Variants in ZFHX3 observed in about 807,000 individuals in gnomAD.
ZFHX3 encodes zinc finger homeobox 3.
A neutral mutation model predicts 279.1 loss-of-function variants in ZFHX3; 42 were observed. That is an observed-to-expected ratio of 0.15 (90% CI 0.12 to 0.19). The LOEUF is 0.19. Ranked by LOEUF, ZFHX3 falls within the 10% of genes least tolerant of loss-of-function variation. The pLI, the probability that ZFHX3 is intolerant of heterozygous loss-of-function variation, is 1.00. For synonymous variants in ZFHX3, 2,293 were observed against 1,957.8 expected (o/e 1.17, Z -4.52); for missense variants, 4,981 against 4,754.0 (o/e 1.05, Z -1.40).
intron 3 of ZFHX3, among the ~76,000 whole-genome samples, chr16:72,912,436 A>C (rs2039342133): frequency 6.6e-6 from 1 of 152,266 alleles, no homozygotes; most frequent in South Asian, 2.1e-4. Flanking sequence ...GCTGCTCTTA[A>C]ATAAGTCTTA....
chr16:73,567,420 T>C (rs771606018), intron 2 of ZFHX3, among the ~76,000 whole-genome samples: 6 of 152,254 alleles, frequency 3.9e-5, no homozygotes, highest in Non-Finnish European at 8.8e-5. Flanking sequence ...TGGAGAACAA[T>C]GGTCACTGTC....
chr16:73,891,765 T>TCTCTCTCTCTCTCG, exon 1 of ZFHX3: 1 of 151,964 alleles, frequency 6.6e-6, no homozygotes, highest in Non-Finnish European at 1.5e-5. Context: ...TCTCTCTCTC[T>TCTCTCTCTCTCTCG]CTCTCTCTCT....
chr16:73,104,440 A>G (rs1220951124), intron 7 of ZFHX3, among the ~76,000 whole-genome samples: 2 of 152,110 alleles, frequency 1.3e-5, no homozygotes, highest in Non-Finnish European at 2.9e-5. Flanking sequence ...CATGTTGCCC[A>G]GAGTGGCCTC....
chr16:73,193,718 T>C (rs146487820), intron 5 of ZFHX3, among the ~76,000 whole-genome samples: 4 of 152,288 alleles, frequency 2.6e-5, no homozygotes, highest in African/African-American at 9.6e-5. Context: ...CCACAGACTA[T>C]GGGGCCAGAC....
chr16:73,401,956 T>C (rs548722787), intron 3 of ZFHX3: 6 of 152,332 alleles, frequency 3.9e-5, no homozygotes, highest in African/African-American at 9.6e-5. Flanking sequence ...CAGCTTTTCA[T>C]AGGCAAGTTA....
chr16:73,801,848 G>C (rs925091634), intron 1 of ZFHX3, among the ~76,000 whole-genome samples: 1 of 152,148 alleles, frequency 6.6e-6, no homozygotes, highest in Non-Finnish European at 1.5e-5. Context: ...TGCAACTTGG[G>C]CGTGTTCATT....
intron 5 of ZFHX3, among the ~76,000 whole-genome samples, chr16:73,167,220 G>C (rs1220774989): frequency 6.6e-6 from 1 of 152,206 alleles, no homozygotes; most frequent in Non-Finnish European, 1.5e-5. Flanking sequence ...CTGAGTAATA[G>C]GATTGGAAAT....
intron 3 of ZFHX3, among the ~76,000 whole-genome samples, chr16:73,346,837 G>T (rs1218978399): frequency 6.6e-6 from 1 of 152,180 alleles, no homozygotes. Flanking sequence ...GTGACCTAAA[G>T]AGGCCAAGGA....
intron 2 of ZFHX3, among the ~76,000 whole-genome samples, chr16:73,605,147 C>T (rs372632946): frequency 6.6e-6 from 1 of 152,140 alleles, no homozygotes; most frequent in South Asian, 2.1e-4. Flanking sequence ...AAACATCTAC[C>T]GGTGGCGGAC....
chr16:73,529,598 GC>G (rs1431623389), intron 2 of ZFHX3, among the ~76,000 whole-genome samples: 1 of 152,196 alleles, frequency 6.6e-6, no homozygotes, highest in East Asian at 1.9e-4. Context: ...TCTGGCCAGT[GC>G]CCCTTGTCCA....
chr16:72,958,417 C>T lies in ZFHX3; in HGVS notation c.1729G>A (p.Val577Ile), dbSNP rs62640001. The change falls in exon 2 of 10, where the codon GTC becomes ATC. Residue 577 changes from valine (V) to isoleucine (I), a missense_variant. Around this residue, in one of 7 missense-constraint regions of ZFHX3, gnomAD observed 1,068 missense variants for 935.2 expected, o/e 1.14. Transcript: ENST00000268489. The stretch of plus-strand genomic sequence containing the variant: ...CCGCCCTCTGCCACATTGGCCCTGA[C>T]GCCCTCACTGTTAAAGCTTAAACGA... ...RNRLSFNSEG[V>I]RANVAEGGRR... is the part of the protein sequence containing the mutation. The T allele has an allele frequency of 1.2e-3, 1,924 of 1,614,220 alleles. 1 individual carries two copies. The highest frequency in any genetic ancestry group is 1.4e-3 in the Non-Finnish European group (1,640 of 1,180,048).
intron 4 of ZFHX3, among the ~76,000 whole-genome samples, chr16:73,277,548 A>G (rs77823739): frequency 1.3e-5 from 2 of 152,200 alleles, no homozygotes; most frequent in Admixed American, 6.5e-5. Context: ...TTAAATCCTC[A>G]TGACTTTGTC....
At chr16:73,294,861 G>C (rs1019995896) in intron 4 of ZFHX3, among the ~76,000 whole-genome samples, 6 of 151,506 alleles carry the variant, frequency 4.0e-5, no homozygotes, top group African/African-American at 1.5e-4. Context: ...ATTGGCCATG[G>C]AAGAGGCAGA....
chr16:73,877,980 A>G lies in ZFHX3; in HGVS notation c.-1608+13671T>C, dbSNP rs192235053. ...GATATTTAACAGAGAAAGCTTCATC[A>G]TGAGATTTTTAGAAATATATATACA... On this transcript the variant is annotated intron_variant, in intron 1 of 17. Transcript: ENST00000641206. Among the ~76,000 whole-genome samples the G allele has an allele frequency of 1.6e-4, 24 of 152,162 alleles. No homozygotes were observed. In the East Asian group the frequency reaches 4.6e-3, roughly 29 times the overall value.
At chr16:73,483,931 T>C (rs1369065680) in intron 2 of ZFHX3, among the ~76,000 whole-genome samples, 1 of 7,964 alleles carries the variant, frequency 1.3e-4, no homozygotes, top group South Asian at 1.8e-3. Context: ...TCTGCCTTTG[T>C]TTTTTTTTTT....
intron 2 of ZFHX3, among the ~76,000 whole-genome samples, chr16:73,601,329 G>A (rs1342920749): frequency 1.3e-5 from 2 of 151,112 alleles, no homozygotes; most frequent in South Asian, 4.2e-4. Context: ...AATTAGCTGG[G>A]TGTGGTGGCA....
chr16:73,307,734 T>C (rs1014812090), intron 4 of ZFHX3, among the ~76,000 whole-genome samples: 11 of 152,212 alleles, frequency 7.2e-5, no homozygotes, highest in Admixed American at 1.3e-4. Flanking sequence ...AAATTCACAG[T>C]TGAAATTTTC....
intron 2 of ZFHX3, among the ~76,000 whole-genome samples, chr16:73,477,331 G>C (rs533438465): frequency 5.9e-5 from 9 of 152,190 alleles, no homozygotes; most frequent in African/African-American, 2.2e-4. Context: ...TGGCTTTCGT[G>C]AGTAAGGAAA....
chr16:72,917,428 TTTTAA>T (rs1346233454), intron 3 of ZFHX3, among the ~76,000 whole-genome samples: 1 of 152,250 alleles, frequency 6.6e-6, no homozygotes, highest in Non-Finnish European at 1.5e-5. Flanking sequence ...GAAAGAGCTA[TTTTAA>T]TTTGTTTATA....
Sources: gnomAD v4.1 joint callset for allele counts (sites outside exome capture counted in the v4.1 genomes callset) on GRCh38, gnomAD v4.1.1 for gene constraint, gnomAD v4.1.1 regional missense constraint, MANE v1.5 for transcripts, NCBI Gene and HGNC (gene_info 2026-07-23, HGNC 2026-07-21) for gene names.